The following OSBPL5 variants were observed in gnomAD, a reference collection of about 807,000 sequenced individuals.
The protein encoded by OSBPL5 is oxysterol-binding protein-related protein 5.
OSBPL5 carries 71 observed loss-of-function variants against 111.2 expected under a neutral mutation model. The observed-to-expected ratio is 0.64, with a 90% CI of 0.53 to 0.78. The LOEUF is 0.78. Ranked by LOEUF, OSBPL5 falls within the 30% of genes least tolerant of loss-of-function variation. The pLI, the probability that OSBPL5 is intolerant of heterozygous loss-of-function variation, is 0.00. For missense variants in OSBPL5, 1,210 were observed against 1,189.3 expected, an observed-to-expected ratio of 1.02 and a Z score of -0.26; for synonymous variants, 549 against 513.9, an observed-to-expected ratio of 1.07 and a Z score of -0.93.
intron 1 of OSBPL5, among the ~76,000 whole-genome samples, chr11:3,156,208 G>A (rs1262972069): frequency 2.0e-5 from 3 of 152,214 alleles, no homozygotes; most frequent in Admixed American, 1.3e-4. Context: ...GCCCTCGGCC[G>A]TGCCCAAGGA....
rs376493519 is a variant in OSBPL5, at chr11:3,109,984, A to G, written c.692-2039T>C. On this transcript the variant is annotated intron_variant, in intron 7 of 21. Coordinates refer to ENST00000263650, the MANE Select transcript of OSBPL5 (RefSeq NM_020896.4). The surrounding 1 kb of genome is among the most constrained non-coding windows in gnomAD (Gnocchi z 7.4). ...CTCACACCTCAGCCCAACCTGCCTT[A>G]TCTGATGGTTGGTTATCCACCTCAC... 6.6e-6 allele frequency among the ~76,000 whole-genome samples: 1 copy of G among 152,036 alleles called. No homozygotes were observed. Among genetic ancestry groups the G allele is most frequent in the Non-Finnish European group, 1.5e-5 (1 of 68,004 alleles).
Position 3,129,188 on chromosome 11 carries a change from G to A in OSBPL5, c.-21-19C>T, listed in dbSNP as rs1178382155. On this transcript the variant is annotated intron_variant, in intron 1 of 21. Transcript: ENST00000263650. ...GGGGCTTCTGGAAGGAAGGAAGGAG[G>A]GGCAGCAGGAGGTCACCGCCCCGGA... The A allele has an allele frequency of 1.5e-6, 2 of 1,361,908 alleles. No homozygotes were observed. The highest frequency in any genetic ancestry group is 3.1e-5 in the African/African-American group (2 of 65,552). The allele number at this position is 1,361,908 out of a possible 1,614,324, so 84.4% of individuals were successfully genotyped here.
At chr11:3,156,474 TC>T in intron 1 of OSBPL5, among the ~76,000 whole-genome samples, 1 of 151,998 alleles carries the variant, frequency 6.6e-6, no homozygotes, top group Non-Finnish European at 1.5e-5. Context: ...TATGGATCCA[TC>T]CATATATAGT....
intron 1 of OSBPL5, among the ~76,000 whole-genome samples, chr11:3,153,808 C>T (rs549476119): frequency 2.0e-5 from 3 of 152,386 alleles, no homozygotes; most frequent in East Asian, 1.9e-4. Context: ...GGCCCGGCTG[C>T]GGGTGACGGG....
chr11:3,131,780 TCCATCCATCCAC>T (rs1845801946), intron 1 of OSBPL5, among the ~76,000 whole-genome samples: 1 of 124,156 alleles, frequency 8.1e-6, no homozygotes, highest in Non-Finnish European at 1.7e-5. Context: ...CATCCATCCA[TCCATCCATCCAC>T]CTACCCATTC....
At chr11:3,119,707 T>C in intron 6 of OSBPL5, 76 bp from the exon 7 acceptor site, 2 of 1,419,414 alleles carry the variant, frequency 1.4e-6, no homozygotes, top group Non-Finnish European at 1.9e-6. Flanking sequence ...GGCAGAACCA[T>C]GCGGATCCAC....
At chr11:3,098,241 A>G (rs1857339705) in intron 14 of OSBPL5, among the ~76,000 whole-genome samples, 2 of 151,864 alleles carry the variant, frequency 1.3e-5, no homozygotes, top group Admixed American at 1.3e-4. Context: ...TAGAATGCAA[A>G]GAGATAAGAG....
At chr11:3,112,044 CGCATGTGTGT>C (rs1229296751) in intron 7 of OSBPL5, among the ~76,000 whole-genome samples, 17 of 92,350 alleles carry the variant, frequency 1.8e-4, no homozygotes, top group Non-Finnish European at 3.4e-4. Context: ...TATGTGTGCG[CGCATGTGTGT>C]GCATGTGTAT....
intron 16 of OSBPL5, 36 bp from the exon 17 acceptor site, chr11:3,093,699 T>G (rs766620217): frequency 1.9e-5 from 30 of 1,612,536 alleles, no homozygotes; most frequent in Admixed American, 5.0e-5. Context: ...GAGGCTGGCC[T>G]GGCGTTGACC....
At chr11:3,115,872 C>A (rs1263791982) in intron 7 of OSBPL5, among the ~76,000 whole-genome samples, 1 of 85,706 alleles carries the variant, frequency 1.2e-5, no homozygotes, top group African/African-American at 6.1e-5. Context: ...AAGGCTTTTG[C>A]CTTTTTTTTT....
intron 1 of OSBPL5, among the ~76,000 whole-genome samples, chr11:3,138,611 C>T (rs1272581413): frequency 6.6e-6 from 1 of 152,240 alleles, no homozygotes; most frequent in Non-Finnish European, 1.5e-5. Flanking sequence ...AGAAAAGACG[C>T]TCGCCTGCCG....
intron 1 of OSBPL5, among the ~76,000 whole-genome samples, chr11:3,152,666 G>A (rs1846627214): frequency 6.6e-6 from 1 of 152,214 alleles, no homozygotes. Flanking sequence ...TATCCTGAAA[G>A]GGCACCTAAG....
At chr11:3,158,151 C>T (rs1165719744) in intron 1 of OSBPL5, among the ~76,000 whole-genome samples, 2 of 152,278 alleles carry the variant, frequency 1.3e-5, no homozygotes, top group Admixed American at 6.5e-5. Flanking sequence ...CAAACTCTCC[C>T]AGCCTCCTGT....
chr11:3,155,105 A>G (rs1590734139), intron 1 of OSBPL5, among the ~76,000 whole-genome samples: 1 of 152,252 alleles, frequency 6.6e-6, no homozygotes, highest in East Asian at 1.9e-4. Context: ...CTCAGGAGAA[A>G]CCAGCCCTGA....
intron 1 of OSBPL5, among the ~76,000 whole-genome samples, chr11:3,158,206 C>T (rs961739974): frequency 1.3e-5 from 2 of 152,256 alleles, no homozygotes; most frequent in East Asian, 1.9e-4. Flanking sequence ...ACAGCTGTGC[C>T]GTTCCGAGGC....
At chr11:3,122,210 G>C in intron 4 of OSBPL5, 112 bp from the exon 5 acceptor site, 2 of 1,328,184 alleles carry the variant, frequency 1.5e-6, no homozygotes, top group Non-Finnish European at 2.1e-6. Flanking sequence ...AGAGGAAGTA[G>C]GAGGAAGTAG....
intron 17 of OSBPL5, chr11:3,093,301 G>A: frequency 1.3e-6 from 1 of 781,940 alleles, no homozygotes; most frequent in Non-Finnish European, 2.0e-6. Context: ...CTCGCCGGCA[G>A]TGATGCAGTG....
chr11:3,111,965 GTGTGCATATGTGTGCGCGCA>G (rs1310905743), intron 7 of OSBPL5, among the ~76,000 whole-genome samples: 18,614 of 137,620 alleles, frequency 0.14, 1,575 homozygotes, highest in Non-Finnish European at 0.2. Context: ...GTGTGTGTGT[GTGTGCATATGTGTGCGCGCA>G]TGTGTGTGCA....
At position 3,121,354 on chromosome 11, in the gene OSBPL5, G is replaced by C. The variant is rs1358452137; in HGVS notation, c.402+643C>G. Among the ~76,000 whole-genome samples the C allele has an allele frequency of 6.6e-6, 1 of 152,074 alleles. No homozygotes were observed. The highest frequency in any genetic ancestry group is 2.4e-5 in the African/African-American group (1 of 41,410). The stretch of plus-strand genomic sequence containing the variant: ...ATTACAGGTGTGAGCCACTGCACCC[G>C]GCCTGGCAGCTCTGTAAATTCTGAA... On this transcript the variant is annotated intron_variant, in intron 5 of 21. Coordinates refer to ENST00000263650, the MANE Select transcript of OSBPL5 (RefSeq NM_020896.4). This position sits in a 1 kb window ranked among gnomAD's most constrained non-coding sequence, Gnocchi z 4.3.
Sources: gnomAD v4.1 joint callset for allele counts (sites outside exome capture counted in the v4.1 genomes callset) on GRCh38, gnomAD v4.1.1 for gene constraint, Gnocchi (gnomAD v3.1) non-coding constraint, MANE v1.5 for transcripts, NCBI Gene and HGNC (gene_info 2026-07-23, HGNC 2026-07-21) for gene names.